LINGO2: variants seen among roughly 807,000 people sequenced by gnomAD.
LINGO2 encodes the protein leucine rich repeat and Ig domain containing 2.
In LINGO2, 14 loss-of-function variants were observed where a neutral mutation model predicts 30.6. The observed-to-expected ratio is 0.46, with a 90% CI of 0.30 to 0.72. The LOEUF (loss-of-function observed/expected upper bound fraction) is 0.72, where lower values mean the gene tolerates loss of function less well. Ranked by LOEUF, LINGO2 falls within the 30% of genes least tolerant of loss-of-function variation. The pLI, the probability that LINGO2 is intolerant of heterozygous loss-of-function variation, is 0.07. For missense variants in LINGO2, 729 were observed against 751.7 expected (o/e 0.97, Z 0.35); for synonymous variants, 317 against 288.5 (o/e 1.10, Z -1.00).
chr9:28,918,354 G>A, the LINGO2 span, among the ~76,000 whole-genome samples: 2 of 152,180 alleles, frequency 1.3e-5, no homozygotes, highest in African/African-American at 4.8e-5. Context: ...CAACACATGG[G>A]AATTATGGGA....
intron 4 of LINGO2, among the ~76,000 whole-genome samples, chr9:28,045,103 CT>C (rs764589526): frequency 1.6e-4 from 25 of 152,050 alleles, no homozygotes; most frequent in East Asian, 5.8e-4. Context: ...AAAATTGAGA[CT>C]TTTTCCCCCC....
chr9:28,596,577 T>A (rs1282410678), intron 1 of LINGO2, among the ~76,000 whole-genome samples: 1 of 152,200 alleles, frequency 6.6e-6, no homozygotes, highest in East Asian at 1.9e-4. Flanking sequence ...TTAAATTTTC[T>A]CTGTAGGCTT....
At chr9:28,679,544 G>T in the LINGO2 span, among the ~76,000 whole-genome samples, 5 of 151,914 alleles carry the variant, frequency 3.3e-5, no homozygotes, top group Non-Finnish European at 4.4e-5. Context: ...TTTGAGGTAG[G>T]ACTGGCATAC....
rs111772526 is a variant in LINGO2 at position 27,950,267 on chromosome 9, G to A, written c.405C>T (p.Asp135=). The change falls in exon 6 of 6, where the codon GAC becomes GAT. Residue 135 remains aspartate, a synonymous_variant. Coordinates refer to ENST00000379992, the Ensembl canonical transcript of LINGO2. ...AAATGACAATCTTATTCTCACTAAT[G>A]TCAAGCTTAGTGAGATTGGACAGCC... 1.5e-3 allele frequency: 2,435 copies of A among 1,613,878 alleles called. 3 individuals carry two copies. Among genetic ancestry groups the A allele is most frequent in the Non-Finnish European group, 1.9e-3 (2,192 of 1,179,784 alleles).
intron 2 of LINGO2, among the ~76,000 whole-genome samples, chr9:28,389,685 T>G (rs991067741): frequency 9.9e-5 from 15 of 152,094 alleles, no homozygotes; most frequent in Non-Finnish European, 1.2e-4. Flanking sequence ...CATCTCAACT[T>G]CCCACACGAA....
chr9:28,135,386 A>T (rs541923541), intron 4 of LINGO2, among the ~76,000 whole-genome samples: 1 of 152,114 alleles, frequency 6.6e-6, no homozygotes, highest in Non-Finnish European at 1.5e-5. Context: ...GATTAAAAGG[A>T]ATACTTGGGA....
At chr9:28,823,867 C>A in the LINGO2 span, among the ~76,000 whole-genome samples, 2 of 152,138 alleles carry the variant, frequency 1.3e-5, no homozygotes, top group African/African-American at 2.4e-5. Flanking sequence ...TGTATATTGA[C>A]TGACTTAGGC....
intron 1 of LINGO2, among the ~76,000 whole-genome samples, chr9:28,641,037 T>C (rs568985011): frequency 1.3e-5 from 2 of 152,096 alleles, no homozygotes; most frequent in Admixed American, 6.5e-5. Flanking sequence ...TTAGTTTTCC[T>C]TCCAAATTTT....
intron 4 of LINGO2, among the ~76,000 whole-genome samples, chr9:28,283,033 T>C (rs530255216): frequency 6.6e-6 from 1 of 152,230 alleles, no homozygotes; most frequent in African/African-American, 2.4e-5. Context: ...TTGCAAAATG[T>C]ATTTGGCTAC....
intron 3 of LINGO2, among the ~76,000 whole-genome samples, chr9:28,304,229 T>C (rs1824256568): frequency 6.7e-6 from 1 of 150,328 alleles, no homozygotes; most frequent in Non-Finnish European, 1.5e-5. Context: ...AAATTTTAAA[T>C]AATTAAAAAA....
At chr9:28,861,842 G>T in the LINGO2 span, among the ~76,000 whole-genome samples, 1 of 151,894 alleles carries the variant, frequency 6.6e-6, no homozygotes, top group Non-Finnish European at 1.5e-5. Context: ...AAAAAAAGCG[G>T]TAGTGAAATA....
chr9:28,172,130 G>A (rs1395170545), intron 4 of LINGO2, among the ~76,000 whole-genome samples: 1 of 149,472 alleles, frequency 6.7e-6, no homozygotes. Context: ...GGTGGCTCAC[G>A]CCTGTAATCC....
At chr9:28,406,097 T>C (rs1304541309) in intron 2 of LINGO2, among the ~76,000 whole-genome samples, 1 of 152,150 alleles carries the variant, frequency 6.6e-6, no homozygotes, top group Non-Finnish European at 1.5e-5. Context: ...CCTTGACATA[T>C]CGTTGTTCAT....
At chr9:28,336,080 A>G (rs1198755809) in intron 3 of LINGO2, among the ~76,000 whole-genome samples, 1 of 152,128 alleles carries the variant, frequency 6.6e-6, no homozygotes. Context: ...TAGTATCTCA[A>G]CATCTTTGCC....
the LINGO2 span, among the ~76,000 whole-genome samples, chr9:29,116,564 CATTA>C: frequency 6.6e-6 from 1 of 151,794 alleles, no homozygotes; most frequent in Non-Finnish European, 1.5e-5. Context: ...ATGGTGATCA[CATTA>C]ATTATTTTGG....
chr9:28,463,087 G>A, intron 2 of LINGO2, among the ~76,000 whole-genome samples: 1 of 151,764 alleles, frequency 6.6e-6, no homozygotes, highest in East Asian at 1.9e-4. Flanking sequence ...CTCAGGGAGT[G>A]ATTAATAGCG....
the LINGO2 span, among the ~76,000 whole-genome samples, chr9:28,995,323 C>T: frequency 2.4e-4 from 36 of 152,254 alleles, no homozygotes; most frequent in Admixed American, 6.5e-4. Flanking sequence ...CAATGAGATA[C>T]CATCTCACAC....
chr9:28,431,715 G>A (rs1310249764), intron 2 of LINGO2, among the ~76,000 whole-genome samples: 1 of 152,170 alleles, frequency 6.6e-6, no homozygotes, highest in African/African-American at 2.4e-5. Flanking sequence ...AGAAAGCCCT[G>A]TGGCTGAAAC....
At chr9:29,182,969 A>G in the LINGO2 span, among the ~76,000 whole-genome samples, 1 of 152,224 alleles carries the variant, frequency 6.6e-6, no homozygotes, top group African/African-American at 2.4e-5. Context: ...TACTTAGGAT[A>G]TGCAGACTAA....
Sources: allele counts gnomAD v4.1 joint callset (sites outside exome capture counted in the v4.1 genomes callset), GRCh38; gene constraint gnomAD v4.1.1; transcripts MANE v1.5; gene names NCBI Gene and HGNC (gene_info 2026-07-23, HGNC 2026-07-21).